Variants in CARNS1 observed in about 807,000 individuals in gnomAD.
The protein encoded by CARNS1 is ATP-grasp domain containing 1.
In CARNS1, 61 loss-of-function variants were observed where a neutral mutation model predicts 74.0. That is an observed-to-expected ratio of 0.82 (90% CI 0.67 to 1.02). The LOEUF (loss-of-function observed/expected upper bound fraction) is 1.02. CARNS1 is among the 50% of genes least tolerant of loss of function. The probability of loss-of-function intolerance (pLI) is 0.00; values close to 1 mark genes in which losing one functional copy is unlikely to be tolerated. For missense variants in CARNS1, 1,278 were observed against 1,308.4 expected, an observed-to-expected ratio of 0.98 and a Z score of 0.36; for synonymous variants, 568 against 605.5, an observed-to-expected ratio of 0.94 and a Z score of 0.91.
At chr11:67,421,297 G>A (rs912291592) in intron 9 of CARNS1, 78 bp downstream of exon 9, 3 of 1,336,212 alleles carry the variant, frequency 2.2e-6, no homozygotes, top group African/African-American at 3.1e-5. Context: ...GCGGGGCCTG[G>A]AGCAAAGGGG....
rs1382239049 is a variant in CARNS1 at position 67,420,633 on chromosome 11, G to A, written c.1138G>A (p.Asp380Asn). The change falls in exon 8 of 10, where the codon GAC becomes AAC. Residue 380 changes from aspartate (D) to asparagine (N), a missense_variant. Coordinates refer to ENST00000687366, the MANE Select transcript of CARNS1 (RefSeq NM_001166222.2). ...SKVVCGVGRG[D>N]RPLRHHNSLP... ...GGTGGTGTGCGGCGTGGGCCGCGGG[G>A]ACCGCCCTCTACGGCACCACAACTC... 7 of 1,241,424 alleles carry A rather than the reference G, an allele frequency of 5.6e-6. No homozygotes were observed. In the East Asian group the frequency reaches 1.9e-4, roughly 33 times the overall value. The allele number at this position is 1,241,424 out of a possible 1,614,324, so 76.9% of individuals were successfully genotyped here.
rs563579611 is a variant in CARNS1, at chr11:67,425,408, T to A, written c.*807T>A. The A allele has an allele frequency of 4.3e-5, 11 of 254,024 alleles. No individual in the cohort carries two copies. In the South Asian group the frequency reaches 5.0e-4, roughly 12 times the overall value. 15.7% of individuals were successfully genotyped at this position (254,024 alleles called of 1,614,324 possible). A position where few individuals can be genotyped will look rare whatever the true frequency, so the allele number is the denominator to read the frequency against. On this transcript the variant is annotated 3_prime_UTR_variant, in exon 10 of 10. Coordinates refer to ENST00000687366, the MANE Select transcript of CARNS1 (RefSeq NM_001166222.2). ...GCCCTGAGACACGTGAACACCTCCC[T>A]CCTATGCATCACAAACCTTCTCCAC...
Position 67,425,484 on chromosome 11 carries a change from A to G in CARNS1, c.*883A>G, listed in dbSNP as rs536673715. ...CACACCTAACTAGCATTGGCAGAGG[A>G]GAGTCTACACTCTCTTCCTCATTCA... On this transcript the variant is annotated 3_prime_UTR_variant, in exon 10 of 10. Transcript: ENST00000687366. 9.5e-5 allele frequency: 18 copies of G among 189,622 alleles called. No individual in the cohort carries two copies. Among genetic ancestry groups the G allele is most frequent in the Middle Eastern group, 2.5e-3 (1 of 408 alleles). The allele number at this position is 189,622 out of a possible 1,614,324, so 11.7% of individuals were successfully genotyped here. A position where few individuals can be genotyped will look rare whatever the true frequency, so the allele number is the denominator to read the frequency against.
intron 2 of CARNS1, chr11:67,416,963 A>C: frequency 1.0e-6 from 1 of 990,270 alleles, no homozygotes; most frequent in Non-Finnish European, 1.2e-6. Flanking sequence ...TGAGACAGAA[A>C]TAAGCCACCT....
In CARNS1 at chr11:67,421,219, G is replaced by T; in HGVS notation, c.1626G>T (p.Gln542His). ...VWEAARDYGL[Q>H]LHLVESDPNH... ...AGGCGGCGCGCGACTACGGGCTCCA[G>T]GTGGGCGGGGCGCGGGGCGGGGCTG... The change falls in exon 9 of 10, where the codon CAG (glutamine) becomes CAT (histidine). Residue 542 changes from glutamine (Q) to histidine (H), a missense_variant and splice_region_variant. Transcript: ENST00000687366. 1.3e-6 allele frequency: 2 copies of T among 1,487,128 alleles called. No individual in the cohort carries two copies. Among genetic ancestry groups the T allele is most frequent in the South Asian group, 1.3e-5 (1 of 79,392 alleles). 92.1% of individuals were successfully genotyped at this position (1,487,128 alleles called of 1,614,324 possible). A position where few individuals can be genotyped will look rare whatever the true frequency, so the allele number is the denominator to read the frequency against.
At position 67,420,748 on chromosome 11, in the gene CARNS1, C is replaced by T. The variant is rs1031099407; in HGVS notation, c.1253C>T (p.Ala418Val). The change falls in exon 8 of 10, where the codon GCG becomes GTG. Residue 418 changes from alanine (A) to valine (V), a missense_variant. Coordinates refer to ENST00000687366, the MANE Select transcript of CARNS1 (RefSeq NM_001166222.2). ...VAAVRQRVKA[A>V]AEAALAAVLA... ...GCTGTGCGGCAGCGCGTCAAGGCGG[C>T]GGCCGAGGCCGCGCTGGCCGCCGTG... 29 of 1,247,286 alleles carry T rather than the reference C, an allele frequency of 2.3e-5. No individual in the cohort carries two copies. Among genetic ancestry groups the T allele is most frequent in the Non-Finnish European group, 2.8e-5 (28 of 999,306 alleles). 77.3% of individuals were successfully genotyped at this position (1,247,286 alleles called of 1,614,324 possible).
intron 1 of CARNS1, 76 bp from the exon 2 acceptor site, chr11:67,416,100 T>C: frequency 2.2e-6 from 2 of 903,732 alleles, no homozygotes; most frequent in Admixed American, 4.0e-5. Context: ...TCCCAAAGTC[T>C]AGGGGCTGGA....
In CARNS1 at chr11:67,424,521, C is replaced by T. The variant is rs765603476; in HGVS notation, c.2773C>T (p.Arg925Cys). The T allele has an allele frequency of 4.7e-5, 75 of 1,596,600 alleles. 2 individuals are homozygous for T. In the South Asian group the frequency reaches 5.8e-4, roughly 12 times the overall value. ...ACCCAGCCCCACCGAGGCCCGTCTCCGCCTGCTGGGCCTCTGCCAGGGCCT... is the reference window on the plus strand; with the variant it reads ...ACCCAGCCCCACCGAGGCCCGTCTCTGCCTGCTGGGCCTCTGCCAGGGCCT... ...AGPSPTEARL[R>C]LLGLCQGLGI... is the part of the protein sequence containing the mutation. The change falls in exon 10 of 10, where the codon CGC becomes TGC. Residue 925 changes from arginine to cysteine, a missense_variant. Coordinates refer to ENST00000687366, the MANE Select transcript of CARNS1 (RefSeq NM_001166222.2).
In CARNS1 at chr11:67,419,514, TGGCGGG is replaced by T. The variant is rs757410786; in HGVS notation, c.886_891del (p.Gly296_Arg297del). ...AGCTGTGAAGCTCAGTGGCTGGCGC[TGGCGGG>T]GGCGGCAGGCATGGCGTCTGCACCC... On this transcript the variant is annotated inframe_deletion, in exon 6 of 10. Coordinates refer to ENST00000687366, the MANE Select transcript of CARNS1 (RefSeq NM_001166222.2). 4 of 1,610,762 alleles carry T rather than the reference TGGCGGG, an allele frequency of 2.5e-6. No individual in the cohort carries two copies. In the South Asian group the frequency reaches 4.4e-5, roughly 18 times the overall value.
Position 67,423,449 on chromosome 11 carries a change from A to G in CARNS1, c.1701A>G (p.Thr567=). The change falls in exon 10 of 10, where the codon ACA becomes ACG. Residue 567 remains threonine (T), a synonymous_variant. Transcript: ENST00000687366. The surrounding 1 kb of genome is among the most constrained non-coding windows in gnomAD (Gnocchi z 5.1). ...LVQTFIHFDM[T]EHRRDEENAR... is the part of the protein sequence containing the mutation. ...AGACCTTCATCCACTTTGACATGAC[A>G]GAGCACCGGAGGGATGAGGAGAACG... The G allele has an allele frequency of 4.3e-6, 7 of 1,614,018 alleles. No individual in the cohort carries two copies. The East Asian group carries it at 8.9e-5, about 21-fold the overall frequency.
chr11:67,420,498 C>T, intron 7 of CARNS1, 111 bp from the exon 8 acceptor site: 1 of 580,982 alleles, frequency 1.7e-6, no homozygotes, highest in Non-Finnish European at 2.5e-6. Flanking sequence ...GAGGACGGGG[C>T]TTCTTGAATG....
rs749185188 is a variant in CARNS1, at chr11:67,419,681, A to ACCAGGC, written c.1027+25_1027+26insCCCAGG. ...GCTCAGGTGAGAGCCACCTGGGCTG[A>ACCAGGC]CCAGGGATGGGAGTTTGGTGTGGCC... On this transcript the variant is annotated intron_variant, in intron 6 of 9. Coordinates refer to ENST00000687366, the MANE Select transcript of CARNS1 (RefSeq NM_001166222.2). 1.1e-5 allele frequency: 17 copies of ACCAGGC among 1,588,688 alleles called. No homozygotes were observed. The East Asian group carries it at 3.7e-4, about 35-fold the overall frequency.
chr11:67,416,666 A>T, intron 2 of CARNS1: 1 of 991,934 alleles, frequency 1.0e-6, no homozygotes, highest in Non-Finnish European at 1.2e-6. Flanking sequence ...TGGAGGACAG[A>T]CTCAGCTGCC....
Position 67,423,956 on chromosome 11 carries a change from C to T in CARNS1, c.2208C>T (p.Asp736=). Residue 736 remains aspartate (D), a synonymous_variant, in exon 10 of 10, where the codon GAC becomes GAT. Transcript: ENST00000687366. This position sits in a 1 kb window ranked among gnomAD's most constrained non-coding sequence, Gnocchi z 5.1. ...TGGAGGGCACCGAGCACGACGTGGA[C>T]CTGGTGTTGTTTGGTGGGCGGTTGC... is the stretch of plus-strand genomic sequence containing the variant. The part of the protein sequence containing the change: ...EFVEGTEHDV[D]LVLFGGRLLA... 6.2e-7 allele frequency: 1 copy of T among 1,613,610 alleles called. No individual in the cohort carries two copies. The highest frequency in any genetic ancestry group is 8.5e-7 in the Non-Finnish European group (1 of 1,179,830).
chr11:67,418,569 C>T, intron 4 of CARNS1, 49 bp downstream of exon 4: 3 of 1,483,418 alleles, frequency 2.0e-6, no homozygotes, highest in Non-Finnish European at 2.7e-6. Flanking sequence ...AAAGGGCAGC[C>T]CTGCCCTGGC....
chr11:67,416,207 G>A lies in CARNS1; in HGVS notation c.3+5G>A, dbSNP rs1863541605. ...AGCCACTCCACCCACGAGATGGTGAGTCTTCTGTGGTCCCTCCCCCACAAG... is the reference window on the plus strand; with the variant it reads ...AGCCACTCCACCCACGAGATGGTGAATCTTCTGTGGTCCCTCCCCCACAAG... On this transcript the variant is annotated splice_donor_5th_base_variant and intron_variant, in intron 2 of 9. Transcript: ENST00000687366. 6.5e-7 allele frequency: 1 copy of A among 1,536,610 alleles called. No individual in the cohort carries two copies. The highest frequency in any genetic ancestry group is 1.4e-5 in the African/African-American group (1 of 73,036).
intron 2 of CARNS1, 150 bp from the exon 3 acceptor site, chr11:67,417,257 C>T: frequency 4.0e-6 from 5 of 1,237,592 alleles, no homozygotes; most frequent in Admixed American, 4.2e-5. Context: ...AGCCTTCGCC[C>T]CCAACACAAG....
Position 67,423,327 on chromosome 11 carries a change from AC to A in CARNS1, c.1627-45del. 6.4e-7 allele frequency: 1 copy of A among 1,563,226 alleles called. No homozygotes were observed. Among genetic ancestry groups the A allele is most frequent in the South Asian group, 1.2e-5 (1 of 82,250 alleles). ...CTAGGCCCCATCCTATCCCCCTAGC[AC>A]CCAGTACTAGCTGACCTGGATATGC... On this transcript the variant is annotated intron_variant, in intron 9 of 9. Transcript: ENST00000687366. This position sits in a 1 kb window ranked among gnomAD's most constrained non-coding sequence, Gnocchi z 5.1.
chr11:67,424,197 A>G lies in CARNS1; in HGVS notation c.2449A>G (p.Met817Val), dbSNP rs1338172023. 9 of 1,613,664 alleles carry G rather than the reference A, an allele frequency of 5.6e-6. No homozygotes were observed. The highest frequency in any genetic ancestry group is 7.6e-6 in the Non-Finnish European group (9 of 1,179,876). The stretch of plus-strand genomic sequence containing the variant: ...TCGGCTTATCGAGATCAACCCCCGC[A>G]TGGGTGGCTTCTACCTGCGTGATTG... ...GPRLIEINPR[M>V]GGFYLRDWIL... Residue 817 changes from methionine (M) to valine (V), a missense_variant, in exon 10 of 10, where the codon ATG becomes GTG. Physicochemically the swap from Met to Val is conservative, Grantham distance 21 (BLOSUM62 1). Around this residue, in one of 3 missense-constraint regions of CARNS1, gnomAD observed 1,164 missense variants for 1,156.5 expected, o/e 1.01. Coordinates refer to ENST00000687366, the MANE Select transcript of CARNS1 (RefSeq NM_001166222.2).
Sources: gnomAD v4.1 joint callset for allele counts on GRCh38, gnomAD v4.1.1 for gene constraint, gnomAD v4.1.1 regional missense constraint, Gnocchi (gnomAD v3.1) non-coding constraint, MANE v1.5 for transcripts, NCBI Gene and HGNC (gene_info 2026-07-23, HGNC 2026-07-21) for gene names.